JAK3: variants seen among roughly 807,000 people sequenced by gnomAD.
JAK3 encodes the protein Janus kinase 3, also known as tyrosine-protein kinase JAK3.
A neutral mutation model predicts 120.8 loss-of-function variants in JAK3; 88 were observed. The observed-to-expected ratio is 0.73, with a 90% CI of 0.61 to 0.87. The LOEUF is 0.87. JAK3 is among the 40% of genes least tolerant of loss of function. JAK3 has a pLI of 0.00. For missense variants in JAK3, 1,254 were observed against 1,501.4 expected (o/e 0.84, Z 2.72); for synonymous variants, 592 against 628.6 (o/e 0.94, Z 0.87).
intron 1 of JAK3, among the ~76,000 whole-genome samples, chr19:17,845,454 C>T (rs930275654): frequency 4.6e-5 from 7 of 151,882 alleles, no homozygotes; most frequent in Non-Finnish European, 1.0e-4. Context: ...CGCGCCTGGC[C>T]GAGACCAGGA....
intron 10 of JAK3, among the ~76,000 whole-genome samples, chr19:17,838,608 C>T (rs549733758): frequency 1.3e-5 from 2 of 152,124 alleles, no homozygotes; most frequent in South Asian, 4.2e-4. Flanking sequence ...GGCAGTGGTG[C>T]GATCTCAGCT....
intron 17 of JAK3, 124 bp from the exon 18 acceptor site, chr19:17,833,053 G>A (rs547840480): frequency 6.7e-7 from 1 of 1,490,054 alleles, no homozygotes. Context: ...CAGGGCCATT[G>A]CAAGCCAAAG....
rs557880938 is a variant in JAK3, at chr19:17,834,482, C to T, written c.2350+89G>A. 12 of 1,474,868 alleles carry T rather than the reference C, an allele frequency of 8.1e-6. No individual in the cohort carries two copies. The African/African-American group carries it at 8.3e-5, about 10-fold the overall frequency. The allele number at this position is 1,474,868 out of a possible 1,614,324, so 91.4% of individuals were successfully genotyped here. A position where few individuals can be genotyped will look rare whatever the true frequency, so the allele number is the denominator to read the frequency against. On this transcript the variant is annotated intron_variant, in intron 17 of 23. Coordinates refer to ENST00000458235, the MANE Select transcript of JAK3 (RefSeq NM_000215.4). The stretch of plus-strand genomic sequence containing the variant: ...AACCCCTCCAACCTCACCAGACACA[C>T]AGGGCGTGGCCTGCTGCAAACCACG...
Position 17,842,001 on chromosome 19 carries a change from C to G in JAK3, c.862-239G>C, listed in dbSNP as rs1465475304. On this transcript the variant is annotated intron_variant, in intron 6 of 23. Transcript: ENST00000458235. The surrounding 1 kb of genome is among the most constrained non-coding windows in gnomAD (Gnocchi z 6.4). Reference sequence around the variant, plus strand: ...TCTCTGCCGGACCCCGCCCCTTGATCCCTGCCCCGCTTCGCAGCCTCCCAG... The same window carrying G: ...TCTCTGCCGGACCCCGCCCCTTGATGCCTGCCCCGCTTCGCAGCCTCCCAG... Among the ~76,000 whole-genome samples, 1 of 151,576 alleles carries G rather than the reference C, an allele frequency of 6.6e-6. No homozygotes were observed. The highest frequency in any genetic ancestry group is 1.5e-5 in the Non-Finnish European group (1 of 67,934).
Position 17,825,900 on chromosome 19 carries a change from C to CAAAAAAA in JAK3, c.*836_*842dup, listed in dbSNP as rs34803277. ...TGGGCGACAGAGCGAGACTCCGTCT[C>CAAAAAAA]AAAAAAAAAAAAAAAAAAAAAGCTA... On this transcript the variant is annotated 3_prime_UTR_variant, in exon 24 of 24. Coordinates refer to ENST00000458235, the MANE Select transcript of JAK3 (RefSeq NM_000215.4). The CAAAAAAA allele has an allele frequency of 1.9e-5, 1 of 52,824 alleles. No homozygotes were observed. The highest frequency in any genetic ancestry group is 3.6e-5 in the Non-Finnish European group (1 of 27,810). The allele number at this position is 52,824 out of a possible 1,614,324, so 3.3% of individuals were successfully genotyped here.
At position 17,842,181 on chromosome 19, in the gene JAK3, C is replaced by A. The variant is rs1467019010; in HGVS notation, c.861+135G>T. 2.0e-6 allele frequency: 2 copies of A among 995,396 alleles called. No individual in the cohort carries two copies. The highest frequency in any genetic ancestry group is 2.9e-6 in the Non-Finnish European group (2 of 698,642). The allele number at this position is 995,396 out of a possible 1,614,324, so 61.7% of individuals were successfully genotyped here. A position where few individuals can be genotyped will look rare whatever the true frequency, so the allele number is the denominator to read the frequency against. ...CCGCAGTCTCCTCCCTCACTAAGCC[C>A]CGCCCCTCATTAAGCCTCGCCCACT... On this transcript the variant is annotated intron_variant, in intron 6 of 23. Coordinates refer to ENST00000458235, the MANE Select transcript of JAK3 (RefSeq NM_000215.4). This position sits in a 1 kb window ranked among gnomAD's most constrained non-coding sequence, Gnocchi z 6.4.
chr19:17,841,789 G>C lies in JAK3; in HGVS notation c.862-27C>G, dbSNP rs566781732. On this transcript the variant is annotated intron_variant, in intron 6 of 23. Coordinates refer to ENST00000458235, the MANE Select transcript of JAK3 (RefSeq NM_000215.4). The surrounding 1 kb of genome is among the most constrained non-coding windows in gnomAD (Gnocchi z 4.1). ...TGGGAAGGAGGGGGAGTACCGAAGT[G>C]GGGGCCCAGCTGGACCCCGCCAAAC... 10 of 1,599,924 alleles carry C rather than the reference G, an allele frequency of 6.3e-6. No homozygotes were observed. In the South Asian group the frequency reaches 8.8e-5, roughly 14 times the overall value.
At position 17,841,343 on chromosome 19, in the gene JAK3, G is replaced by T. The variant is rs970382460; in HGVS notation, c.1142+46C>A. 1 of 1,530,078 alleles carries T rather than the reference G, an allele frequency of 6.5e-7. No homozygotes were observed. Among genetic ancestry groups the T allele is most frequent in the Non-Finnish European group, 8.8e-7 (1 of 1,140,580 alleles). 94.8% of individuals were successfully genotyped at this position (1,530,078 alleles called of 1,614,324 possible). A position where few individuals can be genotyped will look rare whatever the true frequency, so the allele number is the denominator to read the frequency against. ...ACACTGAGGCATAGAGAAGGGGAGG[G>T]GCCCTGAGTGGCCACAGAGGCCGGG... On this transcript the variant is annotated intron_variant, in intron 8 of 23. Transcript: ENST00000458235. This position sits in a 1 kb window ranked among gnomAD's most constrained non-coding sequence, Gnocchi z 4.1.
Position 17,831,499 on chromosome 19 carries a change from C to T in JAK3, c.2806-99G>A, listed in dbSNP as rs1568401401. 6.5e-7 allele frequency: 1 copy of T among 1,547,028 alleles called. No individual in the cohort carries two copies. The highest frequency in any genetic ancestry group is 8.8e-7 in the Non-Finnish European group (1 of 1,140,290). ...ACCCCAACCCAGACCCCAACTATAA[C>T]CCTACCCCCGAGCCATCCTCCACTG... On this transcript the variant is annotated intron_variant, in intron 20 of 23. Coordinates refer to ENST00000458235, the MANE Select transcript of JAK3 (RefSeq NM_000215.4). The surrounding 1 kb of genome is among the most constrained non-coding windows in gnomAD (Gnocchi z 5.1).
rs200704692 is a variant in JAK3 at position 17,843,478 on chromosome 19, T to C, written c.322A>G (p.Asn108Asp). Residue 108 changes from asparagine (N) to aspartate (D), a missense_variant, in exon 4 of 24, where the codon AAT becomes GAT. Asn to Asp is a conservative substitution (Grantham distance 23). Transcript: ENST00000458235. This position sits in a 1 kb window ranked among gnomAD's most constrained non-coding sequence, Gnocchi z 5.4. ...TGGCACTTCTCCAGCCCAAACCAAT[T>C]GGGGAAGTAAAAGCTGTGAGGAGAG... ...LLYRIRFYFP[N>D]WFGLEKCHRF... 5.6e-6 allele frequency: 9 copies of C among 1,596,034 alleles called. No homozygotes were observed. Among genetic ancestry groups the C allele is most frequent in the Non-Finnish European group, 7.7e-6 (9 of 1,171,080 alleles).
In JAK3 at chr19:17,842,268, AGCCCC is replaced by A; in HGVS notation, c.861+43_861+47del. ...CCTACCACTCTCCGGCCCCTCCCCG[AGCCCC>A]GCCCCCACGTTGGCCCCGCCCAGCG... is the stretch of plus-strand genomic sequence containing the variant. On this transcript the variant is annotated intron_variant, in intron 6 of 23. Coordinates refer to ENST00000458235, the MANE Select transcript of JAK3 (RefSeq NM_000215.4). This position sits in a 1 kb window ranked among gnomAD's most constrained non-coding sequence, Gnocchi z 6.4. 1 of 949,220 alleles carries A rather than the reference AGCCCC, an allele frequency of 1.1e-6. No homozygotes were observed. Among genetic ancestry groups the A allele is most frequent in the Non-Finnish European group, 1.5e-6 (1 of 676,094 alleles). 58.8% of individuals were successfully genotyped at this position (949,220 alleles called of 1,614,324 possible).
At position 17,832,695 on chromosome 19, in the gene JAK3, C is replaced by G. The variant is rs2094216535; in HGVS notation, c.2504G>C (p.Ser835Thr). The G allele has an allele frequency of 4.3e-6, 7 of 1,614,138 alleles. No individual in the cohort carries two copies. Among genetic ancestry groups the G allele is most frequent in the Non-Finnish European group, 5.9e-6 (7 of 1,180,062 alleles). Reference protein sequence around the residue: ...ISQLGKGNFGSVELCRYDPLG... With the variant: ...ISQLGKGNFGTVELCRYDPLG... ...CGGGTCATAGCGGCACAGCTCCACG[C>G]TGCCAAAGTTGCCCTGGGGGATAGC... The change falls in exon 19 of 24, where the codon AGC (serine) becomes ACC (threonine). Residue 835 changes from serine (S) to threonine (T), a missense_variant. Physicochemically the swap from Ser to Thr is moderately conservative, Grantham distance 58. Around this residue, in one of 3 missense-constraint regions of JAK3, gnomAD observed 630 missense variants for 819.8 expected, o/e 0.77. Coordinates refer to ENST00000458235, the MANE Select transcript of JAK3 (RefSeq NM_000215.4). The surrounding 1 kb of genome is among the most constrained non-coding windows in gnomAD (Gnocchi z 4.7).
chr19:17,839,306 A>G, intron 10 of JAK3, 171 bp downstream of exon 10: 1 of 716,834 alleles, frequency 1.4e-6, no homozygotes, highest in Non-Finnish European at 2.5e-6. Flanking sequence ...AGATCAAGCC[A>G]GACCTAAAGG....
intron 23 of JAK3, among the ~76,000 whole-genome samples, chr19:17,829,148 T>C (rs981927988): frequency 1.3e-5 from 2 of 151,392 alleles, no homozygotes; most frequent in African/African-American, 4.9e-5. Context: ...TATTTTTATC[T>C]TATTTGTTTG....
In JAK3 at chr19:17,841,682, C is replaced by G; in HGVS notation, c.942G>C (p.Glu314Asp). The change falls in exon 7 of 24, where the codon GAG (glutamate) becomes GAC (aspartate). Residue 314 changes from glutamate to aspartate, a missense_variant. Transcript: ENST00000458235. This position sits in a 1 kb window ranked among gnomAD's most constrained non-coding sequence, Gnocchi z 4.1. Reference protein sequence around the residue: ...KQAPRVGPAGEHRLVTVTRTD... With the variant: ...KQAPRVGPAGDHRLVTVTRTD... ...TCCTGGTAACAGTGACCAGGCGGTG[C>G]TCTCCGGCCGGGCCAACGCGCGGGG... is the stretch of plus-strand genomic sequence containing the variant. 6.2e-7 allele frequency: 1 copy of G among 1,613,912 alleles called. No homozygotes were observed. Among genetic ancestry groups the G allele is most frequent in the Non-Finnish European group, 8.5e-7 (1 of 1,179,964 alleles).
intron 22 of JAK3, 46 bp downstream of exon 22, chr19:17,830,457 G>T: frequency 6.9e-7 from 1 of 1,455,064 alleles, no homozygotes; most frequent in Non-Finnish European, 9.6e-7. Context: ...GGCCACGAGG[G>T]GCGTGGAGGG....
chr19:17,830,213 G>A lies in JAK3; in HGVS notation c.3102C>T (p.Phe1034=), dbSNP rs1157866411. The change falls in exon 23 of 24, where the codon TTC becomes TTT. Residue 1034 remains phenylalanine (F), a synonymous_variant. Transcript: ENST00000458235. The part of the protein sequence containing the change: ...CDKSCSPSAE[F]LRMMGCERDV... ...CCCGCTCACATCCCATCATCCGCAG[G>A]AACTCCTGGAGCCAAGGAGGAGCGC... 1 of 1,548,572 alleles carries A rather than the reference G, an allele frequency of 6.5e-7. No homozygotes were observed. The highest frequency in any genetic ancestry group is 1.9e-5 in the Admixed American group (1 of 53,696).
chr19:17,842,700 C>G lies in JAK3; in HGVS notation c.567-90G>C. The G allele has an allele frequency of 7.4e-7, 1 of 1,351,566 alleles. No individual in the cohort carries two copies. Among genetic ancestry groups the G allele is most frequent in the South Asian group, 1.5e-5 (1 of 68,292 alleles). The allele number at this position is 1,351,566 out of a possible 1,614,324, so 83.7% of individuals were successfully genotyped here. The stretch of plus-strand genomic sequence containing the variant: ...ACAAACCCAGGCTTTAGCCCAGGGG[C>G]TGGGGTGCGGCCCTAGTTGGGGCAC... On this transcript the variant is annotated intron_variant, in intron 5 of 23. Transcript: ENST00000458235. The surrounding 1 kb of genome is among the most constrained non-coding windows in gnomAD (Gnocchi z 6.4).
intron 1 of JAK3, among the ~76,000 whole-genome samples, chr19:17,847,164 T>G (rs2094254042): frequency 6.6e-6 from 1 of 152,026 alleles, no homozygotes; most frequent in South Asian, 2.1e-4. Flanking sequence ...TCCCAAAGTG[T>G]TGGGATTAAA....
Sources: gnomAD v4.1 joint callset for allele counts (sites outside exome capture counted in the v4.1 genomes callset) on GRCh38, gnomAD v4.1.1 for gene constraint, gnomAD v4.1.1 regional missense constraint, Gnocchi (gnomAD v3.1) non-coding constraint, MANE v1.5 for transcripts, NCBI Gene and HGNC (gene_info 2026-07-23, HGNC 2026-07-21) for gene names.